Variants in GPR137C observed in about 807,000 individuals in gnomAD.
The protein encoded by GPR137C is integral membrane protein GPR137C.
A neutral mutation model predicts 43.4 loss-of-function variants in GPR137C; 27 were observed. The ratio of observed to expected loss-of-function variants is 0.62; its 90% CI spans 0.46 to 0.86. GPR137C has a LOEUF of 0.86. Ranked by LOEUF, GPR137C falls within the 40% of genes least tolerant of loss-of-function variation. The probability of loss-of-function intolerance (pLI) is 0.00; values close to 1 mark genes in which losing one functional copy is unlikely to be tolerated. For synonymous variants in GPR137C, 285 were observed against 226.9 expected, an observed-to-expected ratio of 1.26 and a Z score of -2.30; for missense variants, 522 against 534.6, an observed-to-expected ratio of 0.98 and a Z score of 0.23.
At chr14:52,593,323 T>A (rs1291120201) in intron 1 of GPR137C, among the ~76,000 whole-genome samples, 1 of 152,172 alleles carries the variant, frequency 6.6e-6, no homozygotes, top group Non-Finnish European at 1.5e-5. Flanking sequence ...CAGGCCTTTG[T>A]GTCGGGATGA....
At position 52,633,838 on chromosome 14, in the gene GPR137C, G is replaced by T; in HGVS notation, c.1004G>T (p.Gly335Val). The T allele has an allele frequency of 6.2e-7, 1 of 1,610,142 alleles. No homozygotes were observed. The highest frequency in any genetic ancestry group is 8.5e-7 in the Non-Finnish European group (1 of 1,176,738). ...QRLNQNLAPA[G>V]MINSHSYSSR... ...ATACTTTGTTCACAGGCACCTGCTG[G>T]CATGATAAATAGTCACAGTTATAGT... Residue 335 changes from glycine (G) to valine (V), a missense_variant, in exon 6 of 7, where the codon GGC (glycine) becomes GTC (valine). Around this residue, in one of 3 missense-constraint regions of GPR137C, gnomAD observed 437 missense variants for 425.7 expected, o/e 1.03. Transcript: ENST00000321662.
At chr14:52,604,155 T>A (rs1016953747) in intron 3 of GPR137C, among the ~76,000 whole-genome samples, 2 of 152,336 alleles carry the variant, frequency 1.3e-5, no homozygotes, top group Middle Eastern at 3.4e-3. Flanking sequence ...ATATTCTGGT[T>A]ATTAATCCCT....
chr14:52,626,894 T>C (rs1431890338), intron 3 of GPR137C, among the ~76,000 whole-genome samples: 2 of 152,202 alleles, frequency 1.3e-5, no homozygotes, highest in Non-Finnish European at 2.9e-5. Flanking sequence ...TATTTAGGAA[T>C]AAATTTTCCA....
chr14:52,634,943 C>G lies in GPR137C; in HGVS notation c.1118C>G (p.Pro373Arg), dbSNP rs2039335924. 6.2e-7 allele frequency: 1 copy of G among 1,610,968 alleles called. No individual in the cohort carries two copies. Among genetic ancestry groups the G allele is most frequent in the Non-Finnish European group, 8.5e-7 (1 of 1,178,758 alleles). The part of the protein sequence containing the change: ...RLGSSREGSL[P>R]NSQSLGWYGT... Reference sequence around the variant, plus strand: ...TTGCCTTTTTTTTGTTGCAGTTTACCAAATTCGCAAAGTTTGGGCTGGTAT... The same window carrying G: ...TTGCCTTTTTTTTGTTGCAGTTTACGAAATTCGCAAAGTTTGGGCTGGTAT... The change falls in exon 7 of 7, where the codon CCA (proline) becomes CGA (arginine). Residue 373 changes from proline (P) to arginine (R), a missense_variant. This residue lies in a region of GPR137C where 67 missense variants were observed against 69.0 expected (regional missense o/e 0.97). Coordinates refer to ENST00000321662, the MANE Select transcript of GPR137C (RefSeq NM_001099652.2).
intron 1 of GPR137C, among the ~76,000 whole-genome samples, chr14:52,573,391 C>T (rs1405286292): frequency 3.9e-5 from 6 of 152,160 alleles, no homozygotes; most frequent in African/African-American, 1.4e-4. Flanking sequence ...ACCAATGGAA[C>T]AGAACAGAGA....
chr14:52,635,427 C>G lies in GPR137C; in HGVS notation c.*312C>G, dbSNP rs1453834715. Reference sequence around the variant, plus strand: ...ATCTTTGTTCTGAGTCACTGCAGTCCCCAAAGTCATATGCCAATGTTCACA... The same window carrying G: ...ATCTTTGTTCTGAGTCACTGCAGTCGCCAAAGTCATATGCCAATGTTCACA... On this transcript the variant is annotated 3_prime_UTR_variant, in exon 7 of 7. Coordinates refer to ENST00000321662, the MANE Select transcript of GPR137C (RefSeq NM_001099652.2). The G allele has an allele frequency of 4.4e-6, 1 of 225,828 alleles. No individual in the cohort carries two copies. The highest frequency in any genetic ancestry group is 5.8e-5 in the Admixed American group (1 of 17,108). 14.0% of individuals were successfully genotyped at this position (225,828 alleles called of 1,614,324 possible). A position where few individuals can be genotyped will look rare whatever the true frequency, so the allele number is the denominator to read the frequency against.
chr14:52,593,440 G>T (rs777946249), intron 1 of GPR137C, among the ~76,000 whole-genome samples: 1 of 152,156 alleles, frequency 6.6e-6, no homozygotes, highest in Non-Finnish European at 1.5e-5. Flanking sequence ...GTAGAATTCG[G>T]CTGTGAATCC....
intron 1 of GPR137C, among the ~76,000 whole-genome samples, chr14:52,556,154 CA>C (rs1188020202): frequency 2.0e-5 from 3 of 151,974 alleles, no homozygotes; most frequent in Non-Finnish European, 4.4e-5. Flanking sequence ...TCTTGATTAC[CA>C]ACTCACTCTG....
intron 3 of GPR137C, among the ~76,000 whole-genome samples, chr14:52,604,752 T>C (rs1038336095): frequency 6.6e-6 from 1 of 152,088 alleles, no homozygotes; most frequent in African/African-American, 2.4e-5. Flanking sequence ...ACAGCCAAAA[T>C]GGGGCTGTTT....
intron 1 of GPR137C, among the ~76,000 whole-genome samples, chr14:52,560,601 C>T (rs1403276350): frequency 2.0e-5 from 3 of 152,068 alleles, no homozygotes; most frequent in Non-Finnish European, 4.4e-5. Context: ...AGAATTAGAC[C>T]CACATATATA....
Position 52,553,089 on chromosome 14 carries a change from G to A in GPR137C, c.-59G>A. The stretch of plus-strand genomic sequence containing the variant: ...GGGGCAGTCCTTCTCCCCTTCGACG[G>A]CGGCTCCGAGTCCAGCCCCTTCCTT... On this transcript the variant is annotated 5_prime_UTR_variant, in exon 1 of 7. Transcript: ENST00000321662. 1.0e-6 allele frequency: 1 copy of A among 961,080 alleles called. No homozygotes were observed. The highest frequency in any genetic ancestry group is 1.3e-6 in the Non-Finnish European group (1 of 771,092). 59.5% of individuals were successfully genotyped at this position (961,080 alleles called of 1,614,324 possible).
intron 1 of GPR137C, among the ~76,000 whole-genome samples, chr14:52,568,655 CAG>C (rs2038412775): frequency 6.6e-6 from 1 of 152,180 alleles, no homozygotes; most frequent in African/African-American, 2.4e-5. Flanking sequence ...ATTTTCCCCT[CAG>C]GGTGTAAACA....
At chr14:52,584,294 T>A (rs1012070127) in intron 1 of GPR137C, among the ~76,000 whole-genome samples, 13 of 152,178 alleles carry the variant, frequency 8.5e-5, no homozygotes, top group African/African-American at 2.9e-4. Flanking sequence ...CTAAGCTGGA[T>A]CATGGGCATA....
intron 1 of GPR137C, among the ~76,000 whole-genome samples, chr14:52,569,585 A>C (rs1281473756): frequency 6.6e-6 from 1 of 152,112 alleles, no homozygotes; most frequent in Middle Eastern, 3.4e-3. Flanking sequence ...TAACCAGTTT[A>C]GAGAAGAACA....
chr14:52,623,321 T>C (rs1392695887), intron 3 of GPR137C, among the ~76,000 whole-genome samples: 5 of 152,194 alleles, frequency 3.3e-5, no homozygotes, highest in African/African-American at 1.2e-4. Context: ...TTTATAAACT[T>C]TCCATCCAGC....
At chr14:52,568,678 G>C (rs1031257943) in intron 1 of GPR137C, among the ~76,000 whole-genome samples, 13 of 152,348 alleles carry the variant, frequency 8.5e-5, no homozygotes, top group Admixed American at 7.2e-4. Context: ...AAGCCACCTG[G>C]AAGTTAGAAC....
At chr14:52,554,240 G>C (rs919710942) in intron 1 of GPR137C, among the ~76,000 whole-genome samples, 3 of 152,132 alleles carry the variant, frequency 2.0e-5, no homozygotes, top group African/African-American at 7.2e-5. Context: ...CAGTTGCTTC[G>C]TGCTTTAGCG....
At chr14:52,574,726 C>A (rs1016555937) in intron 1 of GPR137C, among the ~76,000 whole-genome samples, 1 of 151,996 alleles carries the variant, frequency 6.6e-6, no homozygotes, top group Non-Finnish European at 1.5e-5. Flanking sequence ...CAAAAAAATC[C>A]AGATTAAAGC....
intron 1 of GPR137C, among the ~76,000 whole-genome samples, chr14:52,569,022 G>A (rs10141979): frequency 0.039 from 5,886 of 152,256 alleles, 370 homozygotes; most frequent in African/African-American, 0.13. Flanking sequence ...AGCAAGGGGC[G>A]ACAGACACCT....
Sources: gnomAD v4.1 joint callset for allele counts (sites outside exome capture counted in the v4.1 genomes callset) on GRCh38, gnomAD v4.1.1 for gene constraint, gnomAD v4.1.1 regional missense constraint, MANE v1.5 for transcripts, NCBI Gene and HGNC (gene_info 2026-07-23, HGNC 2026-07-21) for gene names.